Variants in CSMD1 observed in about 807,000 individuals in gnomAD.
The protein encoded by CSMD1 is CUB and sushi domain-containing protein 1.
In CSMD1, 213 loss-of-function variants were observed where a neutral mutation model predicts 417.5. The observed-to-expected ratio is 0.51, with a 90% CI of 0.46 to 0.57. CSMD1 has a LOEUF of 0.57. CSMD1 is among the 20% of genes least tolerant of loss of function. The pLI is 0.00. For missense variants in CSMD1, 6,923 were observed against 4,529.7 expected (o/e 1.53, Z -15.17); for synonymous variants, 2,862 against 1,736.8 (o/e 1.65, Z -16.11).
chr8:3,734,484 G>A (rs991353196), intron 6 of CSMD1, among the ~76,000 whole-genome samples: 5 of 152,202 alleles, frequency 3.3e-5, no homozygotes, highest in Admixed American at 3.3e-4. Context: ...GCTGAGGTGG[G>A]TGGATCCCTT....
chr8:4,129,803 A>G (rs1302051819), intron 3 of CSMD1, among the ~76,000 whole-genome samples: 1 of 152,130 alleles, frequency 6.6e-6, no homozygotes, highest in Non-Finnish European at 1.5e-5. Context: ...TGTTACTCCA[A>G]CTTTATTTTC....
intron 5 of CSMD1, among the ~76,000 whole-genome samples, chr8:3,905,306 G>A (rs552052795): frequency 1.3e-5 from 2 of 152,140 alleles, no homozygotes; most frequent in Non-Finnish European, 2.9e-5. Flanking sequence ...CTTAAAGAAG[G>A]TTAGTGACAG....
chr8:4,394,945 G>A (rs61156741), intron 3 of CSMD1, among the ~76,000 whole-genome samples: 4,596 of 152,268 alleles, frequency 0.03, 217 homozygotes, highest in African/African-American at 0.11. Flanking sequence ...CACAGCTCAA[G>A]AAGTTAAGAA....
At chr8:4,952,927 C>T (rs891062549) in intron 1 of CSMD1, among the ~76,000 whole-genome samples, 5 of 152,162 alleles carry the variant, frequency 3.3e-5, no homozygotes, top group African/African-American at 9.6e-5. Context: ...TTCACTGCTA[C>T]ATACTACAAG....
chr8:4,588,361 T>A (rs1453090882), intron 2 of CSMD1, among the ~76,000 whole-genome samples: 1 of 151,522 alleles, frequency 6.6e-6, no homozygotes, highest in Non-Finnish European at 1.5e-5. Flanking sequence ...ACACTGGCTA[T>A]GCTATCTAGA....
intron 2 of CSMD1, among the ~76,000 whole-genome samples, chr8:4,421,999 A>G (rs957577345): frequency 6.6e-6 from 1 of 152,094 alleles, no homozygotes; most frequent in Admixed American, 6.6e-5. Flanking sequence ...TCATAAAGAT[A>G]ATAAAAGTTA....
At chr8:3,208,122 G>C (rs997505152) in intron 30 of CSMD1, among the ~76,000 whole-genome samples, 1 of 152,098 alleles carries the variant, frequency 6.6e-6, no homozygotes, top group African/African-American at 2.4e-5. Context: ...TTTGCGCTCA[G>C]TCACATACAA....
At position 3,218,283 on chromosome 8, in the gene CSMD1, C is replaced by T. The variant is rs186840427; in HGVS notation, c.4672+972G>A. On this transcript the variant is annotated intron_variant, in intron 29 of 69. Coordinates refer to ENST00000635120, the MANE Select transcript of CSMD1 (RefSeq NM_033225.6). ...GTTGAGATAAAATGAAGTTATTGGC[C>T]GGGCGCGGTGGCTCACGCCTGTAAT... Among the ~76,000 whole-genome samples the T allele has an allele frequency of 7.2e-5, 11 of 152,142 alleles. No homozygotes were observed. The East Asian group carries it at 9.7e-4, about 13-fold the overall frequency.
chr8:4,465,846 T>C (rs550759938), intron 2 of CSMD1, among the ~76,000 whole-genome samples: 1 of 152,304 alleles, frequency 6.6e-6, no homozygotes, highest in Admixed American at 6.5e-5. Flanking sequence ...AAGCCACACA[T>C]TCTATCCTCT....
intron 18 of CSMD1, among the ~76,000 whole-genome samples, chr8:3,382,978 C>T (rs140335143): frequency 1.3e-5 from 2 of 152,106 alleles, no homozygotes; most frequent in Non-Finnish European, 2.9e-5. Context: ...GCCACTTAAA[C>T]GCTGTGACAA....
chr8:4,274,169 A>G (rs569720697), intron 3 of CSMD1, among the ~76,000 whole-genome samples: 3 of 152,076 alleles, frequency 2.0e-5, no homozygotes, highest in African/African-American at 7.2e-5. Flanking sequence ...TTTTTTGCAA[A>G]GTTAAATTAG....
At chr8:3,690,344 A>G (rs1027155681) in intron 7 of CSMD1, among the ~76,000 whole-genome samples, 1 of 152,386 alleles carries the variant, frequency 6.6e-6, no homozygotes, top group Admixed American at 6.5e-5. Flanking sequence ...TGACAGAACG[A>G]GACTCTGTCT....
chr8:4,086,068 C>T (rs960060475), intron 3 of CSMD1, among the ~76,000 whole-genome samples: 24 of 152,132 alleles, frequency 1.6e-4, no homozygotes, highest in African/African-American at 5.1e-4. Flanking sequence ...TATCAACAAA[C>T]GTATTTTTTC....
At chr8:2,956,026 C>T (rs1032957379) in intron 63 of CSMD1, among the ~76,000 whole-genome samples, 11 of 151,968 alleles carry the variant, frequency 7.2e-5, no homozygotes, top group African/African-American at 2.4e-4. Flanking sequence ...CAGGCATGAG[C>T]CACTACACCC....
chr8:4,183,683 T>A (rs78583575), intron 3 of CSMD1, among the ~76,000 whole-genome samples: 4,672 of 152,366 alleles, frequency 0.031, 100 homozygotes, highest in Non-Finnish European at 0.044. Context: ...AATTTTGTTG[T>A]GAGCAGAGAA....
At chr8:3,078,118 G>T (rs918927945) in intron 49 of CSMD1, among the ~76,000 whole-genome samples, 1 of 152,154 alleles carries the variant, frequency 6.6e-6, no homozygotes, top group African/African-American at 2.4e-5. Flanking sequence ...ATATATAGTT[G>T]ATCTCTATTA....
At chr8:4,740,708 C>G (rs145541089) in intron 1 of CSMD1, among the ~76,000 whole-genome samples, 1 of 152,120 alleles carries the variant, frequency 6.6e-6, no homozygotes, top group African/African-American at 2.4e-5. Context: ...TTGAAGTGAG[C>G]CATCTCTGCA....
intron 3 of CSMD1, among the ~76,000 whole-genome samples, chr8:4,077,637 C>A (rs546609004): frequency 6.6e-6 from 1 of 152,012 alleles, no homozygotes. Context: ...TAGATCCACC[C>A]GGGTGACAAA....
chr8:3,531,429 T>C (rs1050350132), intron 10 of CSMD1, among the ~76,000 whole-genome samples: 6 of 152,168 alleles, frequency 3.9e-5, no homozygotes, highest in African/African-American at 7.2e-5. Flanking sequence ...TTATTCTATA[T>C]GTGATAAACA....
Sources: allele counts gnomAD v4.1 joint callset (sites outside exome capture counted in the v4.1 genomes callset), GRCh38; gene constraint gnomAD v4.1.1; transcripts MANE v1.5; gene names NCBI Gene and HGNC (gene_info 2026-07-23, HGNC 2026-07-21).